Variants in ELFN1 observed in about 807,000 individuals in gnomAD.
ELFN1 encodes protein ELFN1.
ELFN1 carries 6 observed loss-of-function variants against 7.6 expected under a neutral mutation model. That is an observed-to-expected ratio of 0.79 (90% confidence interval 0.43 to 1.56). The LOEUF (loss-of-function observed/expected upper bound fraction) is 1.56. Among genes scored for constraint, ELFN1 ranks in the 40% most tolerant of loss-of-function variants. The pLI is 0.01. For missense variants in ELFN1, 1,169 were observed against 1,232.2 expected, an observed-to-expected ratio of 0.95 and a Z score of 0.77; for synonymous variants, 657 against 588.1, an observed-to-expected ratio of 1.12 and a Z score of -1.70.
rs1353668254 is a variant in ELFN1 at position 1,745,737 on chromosome 7, G to A, written c.1141G>A (p.Val381Met). 2 of 1,551,304 alleles carry A rather than the reference G, an allele frequency of 1.3e-6. No homozygotes were observed. The highest frequency in any genetic ancestry group is 1.7e-6 in the Non-Finnish European group (2 of 1,147,128). ...LFTLTNYTYC[V>M]VSTSAGLRHN... is the part of the protein sequence containing the mutation. ...CACGCTCACCAACTACACCTACTGC[G>A]TGGTGTCCACCAGCGCCGGGCTGCG... Residue 381 changes from valine (V) to methionine (M), a missense_variant, in exon 4 of 4, where the codon GTG (valine) becomes ATG (methionine). Transcript: ENST00000424383.
chr7:1,695,544 A>C lies in ELFN1; in HGVS notation c.-456+7394A>C, dbSNP rs1379595608. On this transcript the variant is annotated intron_variant, in intron 2 of 3. Coordinates refer to ENST00000424383, the MANE Select transcript of ELFN1 (RefSeq NM_001128636.4). This position sits in a 1 kb window ranked among gnomAD's most constrained non-coding sequence, Gnocchi z 5.1. ...GCAGATCACCTGAGGCCAGGAGTTC[A>C]AGACAAGCCTGGCCAACATGGAGAA... Among the ~76,000 whole-genome samples the C allele has an allele frequency of 6.6e-6, 1 of 151,938 alleles. No homozygotes were observed. Among genetic ancestry groups the C allele is most frequent in the Non-Finnish European group, 1.5e-5 (1 of 67,970 alleles).
intron 2 of ELFN1, chr7:1,693,238 A>G (rs1779211674): frequency 1.4e-5 from 6 of 421,284 alleles, no homozygotes; most frequent in South Asian, 1.1e-4. Flanking sequence ...TGGACACCTT[A>G]AGAGTCCAGC....
At chr7:1,734,392 G>C (rs1180213362) in intron 3 of ELFN1, among the ~76,000 whole-genome samples, 3 of 152,214 alleles carry the variant, frequency 2.0e-5, no homozygotes, top group Admixed American at 6.5e-5. Context: ...AAGATGCCCC[G>C]TGGAAGCATA....
chr7:1,727,449 A>AC (rs1436155355), intron 3 of ELFN1, among the ~76,000 whole-genome samples: 1 of 152,108 alleles, frequency 6.6e-6, no homozygotes, highest in East Asian at 1.9e-4. Flanking sequence ...AGGGAAAGGA[A>AC]CTAAGTCTTG....
At chr7:1,726,175 G>A (rs1028298911) in intron 3 of ELFN1, among the ~76,000 whole-genome samples, 4 of 152,112 alleles carry the variant, frequency 2.6e-5, no homozygotes, top group African/African-American at 4.8e-5. Flanking sequence ...CACCCGCCAC[G>A]GTCCTGACCC....
chr7:1,729,216 G>C (rs1437881406), intron 3 of ELFN1, among the ~76,000 whole-genome samples: 1 of 152,208 alleles, frequency 6.6e-6, no homozygotes, highest in Admixed American at 6.5e-5. Context: ...ACGTGAGCTT[G>C]GAGGAGGCCT....
chr7:1,715,817 C>A (rs1473568592), intron 3 of ELFN1, among the ~76,000 whole-genome samples: 2 of 152,202 alleles, frequency 1.3e-5, no homozygotes, highest in Non-Finnish European at 2.9e-5. Context: ...TGGGTCAGGG[C>A]TCCTGAAGGC....
rs926725642 is a variant in ELFN1 at position 1,735,670 on chromosome 7, TC to T, written c.-293-8633del. 6.6e-6 allele frequency among the ~76,000 whole-genome samples: 1 copy of T among 151,946 alleles called. No individual in the cohort carries two copies. The highest frequency in any genetic ancestry group is 1.5e-5 in the Non-Finnish European group (1 of 67,960). On this transcript the variant is annotated intron_variant, in intron 3 of 3. Coordinates refer to ENST00000424383, the MANE Select transcript of ELFN1 (RefSeq NM_001128636.4). The surrounding 1 kb of genome is among the most constrained non-coding windows in gnomAD (Gnocchi z 5.9). The stretch of plus-strand genomic sequence containing the variant: ...GGTGAGATCCCTCAATGGGCCCCCC[TC>T]TGTGGGCACCAGGTCCGGCAACTGT...
At position 1,744,679 on chromosome 7, in the gene ELFN1, A is replaced by G. The variant is rs910156716; in HGVS notation, c.83A>G (p.Asp28Gly). The G allele has an allele frequency of 4.5e-6, 7 of 1,551,098 alleles. No homozygotes were observed. The highest frequency in any genetic ancestry group is 1.4e-5 in the African/African-American group (1 of 72,992). Residue 28 changes from aspartate to glycine, a missense_variant, in exon 4 of 4, where the codon GAC (aspartate) becomes GGC (glycine). Transcript: ENST00000424383. ...CACGCTGGCGGCCTGGCCCGCGCAGACTGCTGGCTGATCGAGGGCGACAAG... is the reference window on the plus strand; with the variant it reads ...CACGCTGGCGGCCTGGCCCGCGCAGGCTGCTGGCTGATCGAGGGCGACAAG... ...LLHAGGLARA[D>G]CWLIEGDKGF... is the part of the protein sequence containing the mutation.
chr7:1,744,546 A>T lies in ELFN1; in HGVS notation c.-51A>T. The T allele has an allele frequency of 7.0e-7, 1 of 1,433,654 alleles. No homozygotes were observed. Among genetic ancestry groups the T allele is most frequent in the Non-Finnish European group, 9.1e-7 (1 of 1,098,702 alleles). 88.8% of individuals were successfully genotyped at this position (1,433,654 alleles called of 1,614,324 possible). ...TCTGGGGGCTGGCGCCTGGCCCCCC[A>T]CCTGGTCCCCCTGGGCAGGCTGAAT... is the stretch of plus-strand genomic sequence containing the variant. On this transcript the variant is annotated 5_prime_UTR_variant, in exon 4 of 4. Coordinates refer to ENST00000424383, the MANE Select transcript of ELFN1 (RefSeq NM_001128636.4).
intron 2 of ELFN1, among the ~76,000 whole-genome samples, chr7:1,701,156 ATGTG>A (rs997157083): frequency 1.3e-5 from 2 of 150,904 alleles, no homozygotes; most frequent in Non-Finnish European, 3.0e-5. Context: ...TGGTGCACGC[ATGTG>A]TGTGTATGCA....
chr7:1,741,088 C>T (rs1780596837), intron 3 of ELFN1, among the ~76,000 whole-genome samples: 1 of 150,324 alleles, frequency 6.7e-6, no homozygotes, highest in African/African-American at 2.5e-5. Context: ...TGAGATTGCA[C>T]CACTGCACTC....
chr7:1,681,815 T>A (rs1398324326), intron 1 of ELFN1, among the ~76,000 whole-genome samples: 1 of 152,220 alleles, frequency 6.6e-6, no homozygotes, highest in African/African-American at 2.4e-5. Flanking sequence ...TGGTGTCCCA[T>A]GTGGTTTAAA....
intron 2 of ELFN1, chr7:1,693,253 G>T (rs1016605860): frequency 4.6e-6 from 2 of 431,584 alleles, no homozygotes; most frequent in South Asian, 1.7e-5. Flanking sequence ...TCCAGCAGAC[G>T]TGGGGTTAGG....
chr7:1,710,933 A>G (rs779689512), intron 3 of ELFN1, among the ~76,000 whole-genome samples: 5 of 152,174 alleles, frequency 3.3e-5, no homozygotes, highest in Non-Finnish European at 5.9e-5. Flanking sequence ...CACTCCTGAG[A>G]CCACCCAGCA....
chr7:1,747,328 A>C lies in ELFN1; in HGVS notation c.*245A>C. The C allele has an allele frequency of 8.1e-6, 2 of 247,862 alleles. No individual in the cohort carries two copies. The highest frequency in any genetic ancestry group is 7.6e-5 in the East Asian group (1 of 13,102). The allele number at this position is 247,862 out of a possible 1,614,324, so 15.4% of individuals were successfully genotyped here. On this transcript the variant is annotated 3_prime_UTR_variant, in exon 4 of 4. Coordinates refer to ENST00000424383, the MANE Select transcript of ELFN1 (RefSeq NM_001128636.4). Reference sequence around the variant, plus strand: ...CACACACACACACACACACACACACACACACACGAGGGACTTCGGAAAACT... The same window carrying C: ...CACACACACACACACACACACACACCCACACACGAGGGACTTCGGAAAACT...
intron 1 of ELFN1, among the ~76,000 whole-genome samples, chr7:1,686,192 G>C (rs1779059128): frequency 4.0e-5 from 6 of 151,614 alleles, no homozygotes. Context: ...AGAGTTGCTA[G>C]TATTGCTGGG....
Position 1,746,258 on chromosome 7 carries a change from G to A in ELFN1, c.1662G>A (p.Glu554=). 6.3e-7 allele frequency: 1 copy of A among 1,593,758 alleles called. No homozygotes were observed. Among genetic ancestry groups the A allele is most frequent in the Non-Finnish European group, 8.5e-7 (1 of 1,171,580 alleles). Residue 554 remains glutamate, a synonymous_variant, in exon 4 of 4, where the codon GAG becomes GAA. Coordinates refer to ENST00000424383, the MANE Select transcript of ELFN1 (RefSeq NM_001128636.4). ...CCGACAGCCAGAGTTCGGTGGCCGAGATCTCCACCATCGCCAAGGAGGTGG... is the reference window on the plus strand; with the variant it reads ...CCGACAGCCAGAGTTCGGTGGCCGAAATCTCCACCATCGCCAAGGAGGTGG... ...PGPDSQSSVA[E]ISTIAKEVDK... is the part of the protein sequence containing the mutation.
chr7:1,675,412 G>A (rs536526050), intron 1 of ELFN1, among the ~76,000 whole-genome samples: 20 of 152,338 alleles, frequency 1.3e-4, no homozygotes, highest in African/African-American at 4.6e-4. Context: ...GGGTCCAGGC[G>A]GAATCCTTCC....
Sources: allele counts gnomAD v4.1 joint callset (sites outside exome capture counted in the v4.1 genomes callset), GRCh38; gene constraint gnomAD v4.1.1; non-coding constraint Gnocchi (gnomAD v3.1); transcripts MANE v1.5; gene names NCBI Gene and HGNC (gene_info 2026-07-23, HGNC 2026-07-21).